The following RORA variants were observed in gnomAD, a reference collection of about 807,000 sequenced individuals.
RORA encodes RAR related orphan receptor A, also known as nuclear receptor ROR-alpha.
In RORA, 7 loss-of-function variants were observed where a neutral mutation model predicts 69.5. That is an observed-to-expected ratio of 0.10 (90% CI 0.06 to 0.19). The LOEUF is 0.19. Among genes scored for constraint, RORA ranks in the 10% least tolerant of loss-of-function variants. The pLI, the probability that RORA is intolerant of heterozygous loss-of-function variation, is 1.00. For synonymous variants in RORA, 261 were observed against 240.8 expected (o/e 1.08, Z -0.78); for missense variants, 457 against 663.0 (o/e 0.69, Z 3.41).
intron 2 of RORA, chr15:60,627,474 T>C: frequency 7.7e-6 from 12 of 1,564,658 alleles, no homozygotes; most frequent in Admixed American, 1.8e-5. Context: ...CTCCAACAGC[T>C]GGGTGGAGAA....
chr15:61,063,509 G>A (rs539317388), intron 1 of RORA, among the ~76,000 whole-genome samples: 14 of 152,268 alleles, frequency 9.2e-5, no homozygotes, highest in African/African-American at 3.4e-4. Context: ...ATGAATTTTT[G>A]TACATTAGTA....
At chr15:61,182,652 C>A (rs2079698206) in intron 1 of RORA, among the ~76,000 whole-genome samples, 2 of 152,156 alleles carry the variant, frequency 1.3e-5, no homozygotes, top group Admixed American at 6.5e-5. Flanking sequence ...TTTCCTAGCC[C>A]CAAAGTATCT....
intron 1 of RORA, among the ~76,000 whole-genome samples, chr15:60,944,715 G>A (rs957809585): frequency 2.0e-4 from 27 of 133,562 alleles, no homozygotes; most frequent in Non-Finnish European, 3.8e-4. Context: ...AAAAAAAAAA[G>A]CAGCATGGCC....
At chr15:61,112,996 G>A (rs708682) in intron 1 of RORA, among the ~76,000 whole-genome samples, 17,990 of 152,230 alleles carry the variant, frequency 0.12, 1,372 homozygotes, top group African/African-American at 0.21. Flanking sequence ...GCCCAAGGAC[G>A]AGAATGAATG....
intron 1 of RORA, among the ~76,000 whole-genome samples, chr15:60,756,504 T>C (rs2071803633): frequency 6.6e-6 from 1 of 152,320 alleles, no homozygotes; most frequent in East Asian, 1.9e-4. Context: ...GATTTCAGAA[T>C]TGCATTTACC....
intron 1 of RORA, among the ~76,000 whole-genome samples, chr15:60,839,383 A>G (rs1422522245): frequency 6.6e-6 from 1 of 152,188 alleles, no homozygotes; most frequent in East Asian, 1.9e-4. Flanking sequence ...GTATTTCTTT[A>G]CTTAATTTAT....
chr15:60,578,728 A>C (rs1779089329), intron 2 of RORA, among the ~76,000 whole-genome samples: 1 of 151,946 alleles, frequency 6.6e-6, no homozygotes, highest in South Asian at 2.1e-4. Flanking sequence ...AAAGTTAATA[A>C]ATTTTTCTGC....
At chr15:61,169,641 A>G (rs1470904450) in intron 1 of RORA, among the ~76,000 whole-genome samples, 1 of 132,576 alleles carries the variant, frequency 7.5e-6, no homozygotes, top group African/African-American at 3.0e-5. Flanking sequence ...TTCCATTTTC[A>G]TGAAAAAAAA....
chr15:60,614,938 T>C (rs1596060844), intron 2 of RORA: 1 of 1,614,004 alleles, frequency 6.2e-7, no homozygotes. Flanking sequence ...CTCCCTTAAA[T>C]TAATAAAGTT....
chr15:60,986,188 C>T (rs1894196876), intron 1 of RORA, among the ~76,000 whole-genome samples: 1 of 151,834 alleles, frequency 6.6e-6, no homozygotes, highest in Admixed American at 6.6e-5. Context: ...GGCTGGAGTG[C>T]AGTGGTGAGA....
At chr15:61,103,064 G>A (rs771757077) in intron 1 of RORA, among the ~76,000 whole-genome samples, 2 of 152,216 alleles carry the variant, frequency 1.3e-5, no homozygotes, top group South Asian at 2.1e-4. Context: ...ATTCAGACAC[G>A]TTCCTATCTC....
chr15:60,553,475 G>A (rs1215469028), intron 2 of RORA, among the ~76,000 whole-genome samples: 1 of 152,152 alleles, frequency 6.6e-6, no homozygotes, highest in African/African-American at 2.4e-5. Context: ...ATAAAGCATA[G>A]AGAAATCAAA....
intron 1 of RORA, among the ~76,000 whole-genome samples, chr15:60,994,555 C>T (rs1178101698): frequency 6.6e-6 from 1 of 152,220 alleles, no homozygotes; most frequent in Non-Finnish European, 1.5e-5. Context: ...CCTTTCCCTG[C>T]TTCTTTGGGT....
chr15:60,497,726 C>T, intron 10 of RORA, 107 bp from the exon 11 acceptor site: 3 of 865,554 alleles, frequency 3.5e-6, no homozygotes, highest in Non-Finnish European at 5.5e-6. Flanking sequence ...GTGAAACACA[C>T]TTAAAGCAAC....
At position 60,562,523 on chromosome 15, in the gene RORA, CCTCCCGGGTTCAGGCGATT is replaced by C. The variant is rs569220131; in HGVS notation, c.197-30691_197-30673del. On this transcript the variant is annotated intron_variant, in intron 2 of 10. Transcript: ENST00000335670. ...CTATCTCGGCCCACTGCAACCTCTG[CCTCCCGGGTTCAGGCGATT>C]CTCCTGCCTCAGCGTCCCAAGTAGC... 6.6e-5 allele frequency among the ~76,000 whole-genome samples: 10 copies of C among 152,092 alleles called. No individual in the cohort carries two copies. The South Asian group carries it at 2.1e-3, about 32-fold the overall frequency.
chr15:60,968,049 C>T (rs1893605111), intron 1 of RORA, among the ~76,000 whole-genome samples: 1 of 152,218 alleles, frequency 6.6e-6, no homozygotes, highest in South Asian at 2.1e-4. Context: ...GCCAGTCCCT[C>T]AATTCATTCG....
chr15:60,585,536 C>A (rs964477056), intron 2 of RORA, among the ~76,000 whole-genome samples: 41 of 151,928 alleles, frequency 2.7e-4, no homozygotes, highest in African/African-American at 9.4e-4. Context: ...AAAAGAAAAG[C>A]TCTAGATTTA....
intron 1 of RORA, among the ~76,000 whole-genome samples, chr15:60,946,472 G>A (rs559485106): frequency 2.6e-5 from 4 of 152,350 alleles, no homozygotes; most frequent in South Asian, 2.1e-4. Flanking sequence ...GTTTCGCTTT[G>A]TTGGCCGGGC....
intron 1 of RORA, among the ~76,000 whole-genome samples, chr15:60,959,583 A>G (rs1893359118): frequency 6.6e-6 from 1 of 152,206 alleles, no homozygotes; most frequent in African/African-American, 2.4e-5. Context: ...TCATGTTTGT[A>G]TCCTTTCTTG....
Sources: allele counts gnomAD v4.1 joint callset (sites outside exome capture counted in the v4.1 genomes callset), GRCh38; gene constraint gnomAD v4.1.1; transcripts MANE v1.5; gene names NCBI Gene and HGNC (gene_info 2026-07-23, HGNC 2026-07-21).